DMD: variants seen among roughly 807,000 people sequenced by gnomAD.
DMD encodes mutant dystrophin.
A neutral mutation model predicts 330.1 loss-of-function variants in DMD; 63 were observed. The observed-to-expected ratio is 0.19, with a 90% CI of 0.16 to 0.24. The LOEUF is 0.24. Ranked by LOEUF, DMD falls within the 10% of genes least tolerant of loss-of-function variation. The probability of loss-of-function intolerance (pLI) is 1.00; values close to 1 mark genes in which losing one functional copy is unlikely to be tolerated. For missense variants in DMD, 3,344 were observed against 2,684.1 expected (o/e 1.25, Z -5.43); for synonymous variants, 1,223 against 959.8 (o/e 1.27, Z -5.07).
At chrX:31,141,323 T>A (rs964801034) in intron 76 of DMD, among the ~76,000 whole-genome samples, 43 of 112,344 alleles carry the variant, frequency 3.8e-4, no homozygotes, top group Non-Finnish European at 6.9e-4. Flanking sequence ...GTTAAGAACA[T>A]AATGTACTCA....
intron 39 of DMD, 126 bp downstream of exon 39, chrX:32,345,817 T>C: frequency 1.5e-6 from 1 of 683,440 alleles, no homozygotes; most frequent in South Asian, 2.7e-5. Context: ...AGCATACACA[T>C]TGAACAGAAA....
intron 17 of DMD, among the ~76,000 whole-genome samples, chrX:32,522,423 C>T (rs530767501): frequency 6.3e-5 from 7 of 111,652 alleles, no homozygotes; most frequent in Admixed American, 4.7e-4. Context: ...TTAACATATC[C>T]GTATAATTTG....
chrX:32,699,212 C>T lies in DMD; in HGVS notation c.731G>A (p.Ser244Asn), dbSNP rs751368412. 1.7e-6 allele frequency: 2 copies of T among 1,209,364 alleles called. No individual in the cohort carries two copies. Residue 244 changes from serine (S) to asparagine (N), a missense_variant, in exon 8 of 79, where the codon AGC (serine) becomes AAC (asparagine). Coordinates refer to ENST00000357033, the MANE Select transcript of DMD (RefSeq NM_004006.3). ...SLFQVLPQQVSIEAIQEVEML... is the reference protein window; with the variant it reads ...SLFQVLPQQVNIEAIQEVEML... ...TTCCACTTCCTGGATGGCTTCAATG[C>T]TCACTTGTTGAGGCAAAACTTGGAA...
chrX:32,349,512 G>C (rs1241329905), intron 37 of DMD, among the ~76,000 whole-genome samples: 2 of 111,171 alleles, frequency 1.8e-5, no homozygotes, highest in African/African-American at 3.3e-5. Context: ...CTTTTGCCAA[G>C]ACGATTACAT....
At position 33,150,690 on chromosome X, in the gene DMD, T is replaced by C. The variant is rs141659527; in HGVS notation, c.31+60592A>G. Among the ~76,000 whole-genome samples the C allele has an allele frequency of 2.9e-3, 320 of 109,075 alleles. 1 individual carries two copies. The highest frequency in any genetic ancestry group is 0.01 in the African/African-American group (305 of 29,998). 94.7% of individuals were successfully genotyped at this position (109,075 alleles called of 115,157 possible). A position where few individuals can be genotyped will look rare whatever the true frequency, so the allele number is the denominator to read the frequency against. On this transcript the variant is annotated intron_variant, in intron 1 of 78. Coordinates refer to ENST00000357033, the MANE Select transcript of DMD (RefSeq NM_004006.3). ...TTAACCTGGAACAATCTTCTCTATC[T>C]AGTTGGCTTCTTGTCTCGTTCTGAT...
At chrX:32,738,783 T>C (rs1435938134) in intron 7 of DMD, among the ~76,000 whole-genome samples, 2 of 111,421 alleles carry the variant, frequency 1.8e-5, no homozygotes, top group African/African-American at 6.5e-5. Flanking sequence ...ATGATATGGA[T>C]ATACTTATAG....
intron 1 of DMD, among the ~76,000 whole-genome samples, chrX:33,039,493 A>G (rs2094261742): frequency 9.0e-6 from 1 of 111,282 alleles, no homozygotes; most frequent in South Asian, 3.8e-4. Context: ...TGAATATACA[A>G]AATGCTTTTG....
chrX:32,425,770 C>T (rs181238346), intron 29 of DMD, among the ~76,000 whole-genome samples: 3 of 111,132 alleles, frequency 2.7e-5, no homozygotes, highest in Non-Finnish European at 5.7e-5. Flanking sequence ...CAAAACAACA[C>T]AGTACTGGTA....
At chrX:32,652,350 T>G (rs1233476957) in intron 9 of DMD, among the ~76,000 whole-genome samples, 2 of 93,377 alleles carry the variant, frequency 2.1e-5, no homozygotes, top group African/African-American at 8.1e-5. Context: ...AGGGTTCTCA[T>G]TGTTCAATTC....
intron 9 of DMD, among the ~76,000 whole-genome samples, chrX:32,687,423 C>A (rs1346354189): frequency 9.0e-6 from 1 of 111,660 alleles, no homozygotes; most frequent in African/African-American, 3.3e-5. Flanking sequence ...TATGTTTCTG[C>A]CCCTTGACTA....
intron 61 of DMD, among the ~76,000 whole-genome samples, chrX:31,333,960 T>G (rs1239897420): frequency 1.9e-5 from 2 of 106,973 alleles, no homozygotes; most frequent in African/African-American, 3.4e-5. Context: ...GGATACAGAG[T>G]CTTGCTCCGT....
intron 12 of DMD, among the ~76,000 whole-genome samples, chrX:32,612,608 A>C (rs2057261796): frequency 9.0e-6 from 1 of 111,216 alleles, no homozygotes; most frequent in African/African-American, 3.3e-5. Context: ...GGCCAAGGGA[A>C]AGAGGGCAGA....
intron 7 of DMD, among the ~76,000 whole-genome samples, chrX:32,758,865 C>A (rs769138211): frequency 9.0e-6 from 1 of 111,512 alleles, no homozygotes; most frequent in East Asian, 2.8e-4. Context: ...AACAATGAGA[C>A]CAAATAGGCG....
At chrX:32,994,542 T>A (rs1478068571) in intron 2 of DMD, among the ~76,000 whole-genome samples, 1 of 111,695 alleles carries the variant, frequency 9.0e-6, no homozygotes, top group Non-Finnish European at 1.9e-5. Flanking sequence ...CATATATCTT[T>A]GACAAATCAA....
At chrX:32,798,076 T>G (rs1258557629) in intron 7 of DMD, among the ~76,000 whole-genome samples, 1 of 111,748 alleles carries the variant, frequency 8.9e-6, no homozygotes, top group Non-Finnish European at 1.9e-5. Flanking sequence ...AAAGTTAAAA[T>G]GGTGACAAAT....
intron 61 of DMD, among the ~76,000 whole-genome samples, chrX:31,334,854 C>T (rs1289990816): frequency 2.7e-5 from 3 of 112,006 alleles, no homozygotes; most frequent in Non-Finnish European, 5.6e-5. Context: ...TTCAGTCATA[C>T]TGGCTTCCTT....
At chrX:31,160,082 G>T (rs1291546258) in intron 74 of DMD, among the ~76,000 whole-genome samples, 1 of 111,642 alleles carries the variant, frequency 9.0e-6, no homozygotes, top group Non-Finnish European at 1.9e-5. Context: ...CACAGTAATT[G>T]TGATGAAGCT....
intron 12 of DMD, among the ~76,000 whole-genome samples, chrX:32,606,746 C>A (rs868365938): frequency 9.9e-6 from 1 of 100,738 alleles, no homozygotes; most frequent in Non-Finnish European, 2.1e-5. Context: ...TATATATACA[C>A]ACACACATAC....
intron 55 of DMD, among the ~76,000 whole-genome samples, chrX:31,619,354 A>C (rs1186078112): frequency 9.2e-6 from 1 of 109,216 alleles, no homozygotes; most frequent in African/African-American, 3.3e-5. Flanking sequence ...AAATGACAGT[A>C]AAGATACTTT....
Sources: allele counts gnomAD v4.1 joint callset (sites outside exome capture counted in the v4.1 genomes callset), GRCh38; gene constraint gnomAD v4.1.1; transcripts MANE v1.5; gene names NCBI Gene and HGNC (gene_info 2026-07-23, HGNC 2026-07-21).